HSD17B12: variants seen among roughly 807,000 people sequenced by gnomAD.
HSD17B12 encodes the protein hydroxysteroid 17-beta dehydrogenase 12.
HSD17B12 carries 32 observed loss-of-function variants against 39.3 expected under a neutral mutation model. The ratio of observed to expected loss-of-function variants is 0.81; its 90% CI spans 0.61 to 1.09. HSD17B12 has a LOEUF of 1.09. Ranked by LOEUF, HSD17B12 falls within the 50% of genes least tolerant of loss-of-function variation. The pLI is 0.00. For missense variants in HSD17B12, 342 were observed against 382.9 expected, an observed-to-expected ratio of 0.89 and a Z score of 0.89; for synonymous variants, 150 against 146.7, an observed-to-expected ratio of 1.02 and a Z score of -0.16.
At chr11:43,598,967 G>A in the HSD17B12 span, among the ~76,000 whole-genome samples, 1 of 152,158 alleles carries the variant, frequency 6.6e-6, no homozygotes. Flanking sequence ...AAAAATCTGA[G>A]TTTGGTTGCC....
chr11:43,573,915 C>T, the HSD17B12 span, among the ~76,000 whole-genome samples: 2 of 152,210 alleles, frequency 1.3e-5, no homozygotes, highest in Non-Finnish European at 2.9e-5. Flanking sequence ...TCCATCTGGC[C>T]ACATTTGATG....
At chr11:43,670,891 A>AT in the HSD17B12 span, among the ~76,000 whole-genome samples, 1 of 152,130 alleles carries the variant, frequency 6.6e-6, no homozygotes, top group African/African-American at 2.4e-5. Context: ...TCTTTATACA[A>AT]ATTTTTAAAA....
chr11:43,751,020 C>A, intron 2 of HSD17B12, 63 bp downstream of exon 2: 1 of 1,078,462 alleles, frequency 9.3e-7, no homozygotes, highest in Non-Finnish European at 1.4e-6. Flanking sequence ...GGGATGATTT[C>A]TTATAGTAGT....
intron 3 of HSD17B12, chr11:43,754,888 A>C (rs745391387): frequency 5.3e-6 from 4 of 760,826 alleles, no homozygotes; most frequent in Non-Finnish European, 9.6e-6. Flanking sequence ...TATACTTGAG[A>C]CCTGAATTAC....
chr11:43,816,398 A>G lies in HSD17B12; in HGVS notation c.501+7A>G, dbSNP rs1202552151. 5.3e-6 allele frequency: 8 copies of G among 1,519,618 alleles called. No individual in the cohort carries two copies. The highest frequency in any genetic ancestry group is 6.2e-6 in the Non-Finnish European group (7 of 1,125,008). 94.1% of individuals were successfully genotyped at this position (1,519,618 alleles called of 1,614,324 possible). A position where few individuals can be genotyped will look rare whatever the true frequency, so the allele number is the denominator to read the frequency against. ...TATTCTTTCTGTTTGTAAGGTAAGC[A>G]TCCTTGTTATAAAGATGTCATCCTT... is the stretch of plus-strand genomic sequence containing the variant. On this transcript the variant is annotated splice_region_variant and intron_variant, in intron 6 of 10. Transcript: ENST00000278353.
intron 1 of HSD17B12, among the ~76,000 whole-genome samples, chr11:43,711,663 C>T (rs1490526606): frequency 1.3e-5 from 2 of 151,786 alleles, no homozygotes; most frequent in East Asian, 1.9e-4. Context: ...TGAGTAGAGA[C>T]GGGTTTTTGC....
chr11:43,577,509 C>T, the HSD17B12 span, among the ~76,000 whole-genome samples: 1 of 152,160 alleles, frequency 6.6e-6, no homozygotes, highest in Non-Finnish European at 1.5e-5. Context: ...GATCCCGCAC[C>T]TTCCCGCCAG....
intron 9 of HSD17B12, among the ~76,000 whole-genome samples, chr11:43,847,184 T>G (rs1247584724): frequency 6.6e-6 from 1 of 152,162 alleles, no homozygotes; most frequent in Non-Finnish European, 1.5e-5. Flanking sequence ...TTTCCTTCCT[T>G]TGACCTGGGA....
intron 1 of HSD17B12, among the ~76,000 whole-genome samples, chr11:43,703,498 T>A (rs1234056200): frequency 1.3e-5 from 2 of 152,208 alleles, no homozygotes; most frequent in Admixed American, 6.5e-5. Context: ...CCGGCCAAAC[T>A]TCTTTAAATA....
chr11:43,774,164 A>AT (rs1950676269), intron 3 of HSD17B12, among the ~76,000 whole-genome samples: 1 of 152,038 alleles, frequency 6.6e-6, no homozygotes, highest in South Asian at 2.1e-4. Context: ...ACATTTTCCA[A>AT]TTTTTTTAAA....
chr11:43,721,780 A>T (rs1432768785), intron 1 of HSD17B12, among the ~76,000 whole-genome samples: 1 of 152,176 alleles, frequency 6.6e-6, no homozygotes, highest in African/African-American at 2.4e-5. Context: ...ATCCTGTAGG[A>T]CATAAAAAAA....
At chr11:43,854,659 G>A in intron 9 of HSD17B12, 56 bp from the exon 10 acceptor site, 1 of 1,584,176 alleles carries the variant, frequency 6.3e-7, no homozygotes, top group Non-Finnish European at 8.6e-7. Flanking sequence ...TACATTCTGA[G>A]TTTGTGGCCT....
intron 3 of HSD17B12, among the ~76,000 whole-genome samples, chr11:43,780,813 C>A (rs761520122): frequency 2.6e-5 from 4 of 152,186 alleles, no homozygotes; most frequent in Admixed American, 6.5e-5. Flanking sequence ...TCAAATTCTT[C>A]CTGCACCTTT....
At chr11:43,663,652 AATT>A in the HSD17B12 span, among the ~76,000 whole-genome samples, 1 of 152,092 alleles carries the variant, frequency 6.6e-6, no homozygotes, top group Non-Finnish European at 1.5e-5. Context: ...TGTAGTCAAA[AATT>A]ATAATCTTGT....
At chr11:43,743,823 G>T (rs1590712380) in intron 1 of HSD17B12, among the ~76,000 whole-genome samples, 1 of 152,294 alleles carries the variant, frequency 6.6e-6, no homozygotes, top group Non-Finnish European at 1.5e-5. Flanking sequence ...CAGCCAAGAT[G>T]AGAGTGACCA....
chr11:43,700,359 A>G (rs1232460189), intron 1 of HSD17B12, among the ~76,000 whole-genome samples: 1 of 152,196 alleles, frequency 6.6e-6, no homozygotes, highest in Non-Finnish European at 1.5e-5. Context: ...CTTTTGAATT[A>G]CAAACAAAAA....
At chr11:43,577,780 A>T in the HSD17B12 span, among the ~76,000 whole-genome samples, 1 of 152,370 alleles carries the variant, frequency 6.6e-6, no homozygotes, top group African/African-American at 2.4e-5. Context: ...TGCGATGCGC[A>T]GAGAATCCAA....
intron 3 of HSD17B12, chr11:43,754,913 T>A: frequency 1.3e-6 from 1 of 759,936 alleles, no homozygotes; most frequent in Non-Finnish European, 2.4e-6. Flanking sequence ...TGGCAAAGAC[T>A]CTTAACTAAC....
At chr11:43,774,448 C>T (rs982345325) in intron 3 of HSD17B12, among the ~76,000 whole-genome samples, 3 of 152,080 alleles carry the variant, frequency 2.0e-5, no homozygotes, top group African/African-American at 7.2e-5. Context: ...CTCCTGACCT[C>T]ATGATCTGCC....
Sources: allele counts gnomAD v4.1 joint callset (sites outside exome capture counted in the v4.1 genomes callset), GRCh38; gene constraint gnomAD v4.1.1; transcripts MANE v1.5; gene names NCBI Gene and HGNC (gene_info 2026-07-23, HGNC 2026-07-21).